COL4A5: variants seen among roughly 807,000 people sequenced by gnomAD.
The protein encoded by COL4A5 is collagen alpha-5(IV) chain.
A neutral mutation model predicts 130.2 loss-of-function variants in COL4A5; 26 were observed. The observed-to-expected ratio is 0.20, with a 90% CI of 0.15 to 0.28. The LOEUF (loss-of-function observed/expected upper bound fraction) is 0.28, where lower values mean the gene tolerates loss of function less well. COL4A5 is among the 10% of genes least tolerant of loss of function. The probability of loss-of-function intolerance (pLI) is 1.00; values close to 1 mark genes in which losing one functional copy is unlikely to be tolerated. For missense variants in COL4A5, 1,131 were observed against 1,344.3 expected, an observed-to-expected ratio of 0.84 and a Z score of 2.48; for synonymous variants, 496 against 439.6, an observed-to-expected ratio of 1.13 and a Z score of -1.60.
chrX:108,473,616 TATATATATATATA>T (rs1229629585), intron 1 of COL4A5, among the ~76,000 whole-genome samples: 1 of 38,183 alleles, frequency 2.6e-5, no homozygotes, highest in African/African-American at 1.0e-4. Context: ...TATATATGTA[TATATATATATATA>T]TATATTTTTT....
At chrX:108,500,192 CA>C (rs1010338999) in intron 1 of COL4A5, among the ~76,000 whole-genome samples, 5 of 111,524 alleles carry the variant, frequency 4.5e-5, no homozygotes, top group Admixed American at 9.5e-5. Flanking sequence ...GGGAAATTAC[CA>C]AAATACTGCG....
chrX:108,448,866 T>C (rs1460360163), intron 1 of COL4A5, among the ~76,000 whole-genome samples: 1 of 111,907 alleles, frequency 8.9e-6, no homozygotes, highest in South Asian at 3.7e-4. Context: ...TGCCATACTC[T>C]GCCTATCAAC....
chrX:108,597,246 A>T, intron 23 of COL4A5, 131 bp from the exon 24 acceptor site: 2 of 777,619 alleles, frequency 2.6e-6, no homozygotes, highest in Non-Finnish European at 3.8e-6. Context: ...AGCCCTTTGT[A>T]CATTAAATGT....
intron 2 of COL4A5, among the ~76,000 whole-genome samples, chrX:108,543,491 T>G (rs777157166): frequency 8.9e-6 from 1 of 111,833 alleles, no homozygotes; most frequent in South Asian, 3.8e-4. Flanking sequence ...ACCAGTACCA[T>G]GCTGTTTTGG....
chrX:108,559,004 A>G (rs755954981), intron 2 of COL4A5, 60 bp from the exon 3 acceptor site: 34 of 930,232 alleles, frequency 3.7e-5, no homozygotes, highest in Middle Eastern at 2.7e-4. Flanking sequence ...TTGAATCTCA[A>G]CCATGCCTGT....
At chrX:108,620,227 G>A in intron 30 of COL4A5, 32 bp from the exon 31 acceptor site, 4 of 1,143,268 alleles carry the variant, frequency 3.5e-6, no homozygotes, top group Non-Finnish European at 4.8e-6. Flanking sequence ...AACTGCTTCA[G>A]TACTTATTAA....
chrX:108,671,809 A>T (rs1243650704), intron 42 of COL4A5, among the ~76,000 whole-genome samples: 3 of 111,725 alleles, frequency 2.7e-5, no homozygotes, highest in African/African-American at 9.8e-5. Context: ...CTCTAAACCG[A>T]TTTAGCAGGA....
In COL4A5 at chrX:108,540,888, T is replaced by C. The variant is rs753068619; in HGVS notation, c.141+1083T>C. On this transcript the variant is annotated intron_variant, in intron 2 of 52. Transcript: ENST00000328300. ...TTAATATTATCAAATATAAAAGGGA[T>C]AGTAAATTATAGCCTAAAGAGAGTT... Among the ~76,000 whole-genome samples the C allele has an allele frequency of 2.0e-4, 22 of 112,404 alleles. No individual in the cohort carries two copies. The South Asian group carries it at 8.0e-3, about 41-fold the overall frequency.
chrX:108,579,443 A>AT (rs1473610478), intron 13 of COL4A5, among the ~76,000 whole-genome samples: 1 of 112,051 alleles, frequency 8.9e-6, no homozygotes, highest in African/African-American at 3.2e-5. Context: ...CATTTGGGTT[A>AT]TTTCCATTTT....
At chrX:108,577,863 T>C in intron 10 of COL4A5, 89 bp from the exon 11 acceptor site, 2 of 780,936 alleles carry the variant, frequency 2.6e-6, no homozygotes, top group Non-Finnish European at 3.7e-6. Flanking sequence ...ATGGGCTTTT[T>C]CACACCTTAC....
intron 42 of COL4A5, among the ~76,000 whole-genome samples, chrX:108,672,728 T>A (rs903829507): frequency 5.3e-5 from 6 of 112,152 alleles, no homozygotes; most frequent in African/African-American, 1.9e-4. Context: ...TCCACAGTTT[T>A]CCTTGCTAAT....
chrX:108,651,000 A>T (rs1365121696), intron 36 of COL4A5, among the ~76,000 whole-genome samples: 4 of 112,044 alleles, frequency 3.6e-5, no homozygotes, highest in Non-Finnish European at 7.5e-5. Flanking sequence ...TGACAATTTT[A>T]AAAAATGATG....
intron 37 of COL4A5, among the ~76,000 whole-genome samples, chrX:108,656,461 T>C (rs1053105271): frequency 1.5e-4 from 17 of 112,273 alleles, no homozygotes; most frequent in Non-Finnish European, 2.4e-4. Flanking sequence ...AAAATGCTAT[T>C]AACATTCTTT....
intron 29 of COL4A5, among the ~76,000 whole-genome samples, chrX:108,607,733 C>T (rs187495278): frequency 4.6e-4 from 51 of 111,165 alleles, no homozygotes; most frequent in African/African-American, 1.5e-3. Context: ...CCGCCCGCCT[C>T]GGCCTCTCAA....
Position 108,534,949 on chromosome X carries a change from T to C in COL4A5, c.82-4797T>C, listed in dbSNP as rs138138215. ...TTCTAGAATCCCAATTTCCTTTATGTTATTCTTCCTCACTCTTTCTTCCAT... is the reference window on the plus strand; with the variant it reads ...TTCTAGAATCCCAATTTCCTTTATGCTATTCTTCCTCACTCTTTCTTCCAT... On this transcript the variant is annotated intron_variant, in intron 1 of 52. Coordinates refer to ENST00000328300, the MANE Select transcript of COL4A5 (RefSeq NM_033380.3). Among the ~76,000 whole-genome samples, 580 of 110,807 alleles carry C rather than the reference T, an allele frequency of 5.2e-3. 3 individuals carry two copies. The highest frequency in any genetic ancestry group is 0.018 in the African/African-American group (537 of 30,625).
intron 1 of COL4A5, among the ~76,000 whole-genome samples, chrX:108,456,404 T>C (rs1044317939): frequency 8.9e-6 from 1 of 112,212 alleles, no homozygotes; most frequent in East Asian, 2.8e-4. Flanking sequence ...ATAAATATAG[T>C]CTCTAATCAA....
At chrX:108,485,452 A>G (rs2064935181) in intron 1 of COL4A5, among the ~76,000 whole-genome samples, 1 of 111,585 alleles carries the variant, frequency 9.0e-6, no homozygotes, top group Non-Finnish European at 1.9e-5. Flanking sequence ...CCCAAGGCCC[A>G]TGGTGTACTA....
At chrX:108,589,713 C>A (rs112773961) in intron 19 of COL4A5, among the ~76,000 whole-genome samples, 136 of 111,413 alleles carry the variant, frequency 1.2e-3, no homozygotes, top group African/African-American at 3.9e-3. Flanking sequence ...CTTTTCTGGA[C>A]ATTGACCTAG....
intron 13 of COL4A5, among the ~76,000 whole-genome samples, chrX:108,578,869 G>A (rs769700680): frequency 6.4e-5 from 7 of 109,764 alleles, no homozygotes; most frequent in East Asian, 2.9e-4. Context: ...TAGTAGAGAC[G>A]GGGTTTCACC....
Sources: gnomAD v4.1 joint callset for allele counts (sites outside exome capture counted in the v4.1 genomes callset) on GRCh38, gnomAD v4.1.1 for gene constraint, MANE v1.5 for transcripts, NCBI Gene and HGNC (gene_info 2026-07-23, HGNC 2026-07-21) for gene names.